Variants in PKIB observed in about 807,000 individuals in gnomAD.
PKIB encodes cAMP-dependent protein kinase inhibitor beta.
PKIB carries 2 observed loss-of-function variants against 4.5 expected under a neutral mutation model. The observed-to-expected ratio is 0.44, with a 90% CI of 0.18 to 1.39. PKIB has a LOEUF of 1.39. Among genes scored for constraint, PKIB ranks in the 40% most tolerant of loss-of-function variants. The pLI, the probability that PKIB is intolerant of heterozygous loss-of-function variation, is 0.27. For missense variants in PKIB, 94 were observed against 92.6 expected (o/e 1.02, Z -0.06); for synonymous variants, 38 against 36.0 (o/e 1.06, Z -0.20).
intron 1 of PKIB, among the ~76,000 whole-genome samples, chr6:122,631,694 A>G (rs1205180895): frequency 6.6e-6 from 1 of 152,216 alleles, no homozygotes; most frequent in Non-Finnish European, 1.5e-5. Flanking sequence ...AGGAAAGGAC[A>G]TGACTCCTCA....
chr6:122,563,940 T>C (rs1773106233), intron 2 of PKIB, among the ~76,000 whole-genome samples: 1 of 152,178 alleles, frequency 6.6e-6, no homozygotes, highest in South Asian at 2.1e-4. Flanking sequence ...ACACCAGATT[T>C]GCACACCTTC....
chr6:122,724,472 T>C (rs1436937283), intron 4 of PKIB, among the ~76,000 whole-genome samples: 1 of 152,182 alleles, frequency 6.6e-6, no homozygotes, highest in African/African-American at 2.4e-5. Flanking sequence ...TTTTTCATTA[T>C]TTTTGAACAA....
intron 1 of PKIB, among the ~76,000 whole-genome samples, chr6:122,616,923 T>A (rs1011605706): frequency 6.6e-6 from 1 of 152,182 alleles, no homozygotes; most frequent in African/African-American, 2.4e-5. Context: ...AAAGAGAGTA[T>A]CTATTCAAAG....
chr6:122,543,129 G>A (rs1405133742), intron 2 of PKIB, among the ~76,000 whole-genome samples: 1 of 152,046 alleles, frequency 6.6e-6, no homozygotes, highest in East Asian at 1.9e-4. Flanking sequence ...CCCTTTCTTT[G>A]ACTAGGAAAG....
intron 2 of PKIB, among the ~76,000 whole-genome samples, chr6:122,634,006 C>T (rs190260990): frequency 4.6e-5 from 7 of 151,108 alleles, no homozygotes; most frequent in Non-Finnish European, 5.9e-5. Context: ...TGTATATATT[C>T]ATACTTGCCT....
chr6:122,513,918 C>A (rs1041581276), intron 2 of PKIB, among the ~76,000 whole-genome samples: 1 of 152,174 alleles, frequency 6.6e-6, no homozygotes, highest in Non-Finnish European at 1.5e-5. Flanking sequence ...AGTGAGGGAA[C>A]TTCACTAAGA....
chr6:122,606,606 G>A (rs1435733891), upstream of PKIB, among the ~76,000 whole-genome samples: 3 of 149,192 alleles, frequency 2.0e-5, no homozygotes, highest in East Asian at 5.9e-4. Context: ...AGACAAAAGA[G>A]GGTTCTCCCC....
chr6:122,606,790 G>A (rs1774552987), upstream of PKIB, among the ~76,000 whole-genome samples: 1 of 151,964 alleles, frequency 6.6e-6, no homozygotes, highest in South Asian at 2.1e-4. Flanking sequence ...GTATGATGAT[G>A]GTAACTACTG....
chr6:122,491,537 T>G (rs775711312), intron 2 of PKIB, among the ~76,000 whole-genome samples: 1 of 152,100 alleles, frequency 6.6e-6, no homozygotes, highest in Non-Finnish European at 1.5e-5. Context: ...ACTGTAAAAA[T>G]TAGTCATTAA....
chr6:122,709,838 T>C (rs574785051), intron 3 of PKIB, among the ~76,000 whole-genome samples: 1 of 152,202 alleles, frequency 6.6e-6, no homozygotes, highest in Admixed American at 6.5e-5. Context: ...TAGATGAGGG[T>C]CGTACTGTAT....
chr6:122,615,791 G>A (rs1774957284), intron 1 of PKIB, among the ~76,000 whole-genome samples: 1 of 152,140 alleles, frequency 6.6e-6, no homozygotes, highest in South Asian at 2.1e-4. Flanking sequence ...TGTAAACCAA[G>A]GGATGCCAAG....
At chr6:122,572,889 C>A (rs577775618) in intron 2 of PKIB, among the ~76,000 whole-genome samples, 1 of 152,116 alleles carries the variant, frequency 6.6e-6, no homozygotes, top group Admixed American at 6.5e-5. Flanking sequence ...TGGATAACTT[C>A]CTGGAAACAT....
At chr6:122,537,234 G>A (rs1165674987) in intron 2 of PKIB, among the ~76,000 whole-genome samples, 1 of 151,968 alleles carries the variant, frequency 6.6e-6, no homozygotes, top group Admixed American at 6.6e-5. Context: ...TGTTACATAT[G>A]TATACATGTG....
At chr6:122,516,324 T>C (rs1161149594) in intron 2 of PKIB, among the ~76,000 whole-genome samples, 2 of 152,168 alleles carry the variant, frequency 1.3e-5, no homozygotes, top group East Asian at 3.9e-4. Flanking sequence ...GGGACTGGTT[T>C]TTGCTTTAAT....
intron 2 of PKIB, among the ~76,000 whole-genome samples, chr6:122,569,009 C>G (rs1773278198): frequency 6.6e-6 from 1 of 152,078 alleles, no homozygotes; most frequent in South Asian, 2.1e-4. Flanking sequence ...ATACTCTCCA[C>G]TCCCTTTGCA....
At chr6:122,687,644 T>G (rs749669499) in intron 3 of PKIB, among the ~76,000 whole-genome samples, 14 of 152,176 alleles carry the variant, frequency 9.2e-5, no homozygotes, top group Admixed American at 5.2e-4. Flanking sequence ...TTAATTTCTT[T>G]TGTCAGGGTT....
At chr6:122,703,675 A>T (rs544666226) in intron 3 of PKIB, among the ~76,000 whole-genome samples, 63 of 151,830 alleles carry the variant, frequency 4.1e-4, no homozygotes, top group South Asian at 1.0e-3. Flanking sequence ...TACACTTATG[A>T]TGCAATTCTC....
chr6:122,662,308 C>CTTTTTTTTTTTTTTTTTTTTTTTTTTT lies in PKIB; in HGVS notation c.-75-12767_-75-12741dup, dbSNP rs71021412. 1.4e-3 allele frequency among the ~76,000 whole-genome samples: 19 copies of CTTTTTTTTTTTTTTTTTTTTTTTTTTT among 13,264 alleles called. 6 individuals carry two copies. The highest frequency in any genetic ancestry group is 1.7e-3 in the Non-Finnish European group (11 of 6,650). The allele number at this position is 13,264 out of a possible 152,430, so 8.7% of individuals were successfully genotyped here. On this transcript the variant is annotated intron_variant, in intron 2 of 4. Transcript: ENST00000368452. ...CTCTCCTTCTTTCTTTCCTTGTCTC[C>CTTTTTTTTTTTTTTTTTTTTTTTTTTT]TTTTTTTTTTTTTTTTTTTTTTTTT...
intron 1 of PKIB, among the ~76,000 whole-genome samples, chr6:122,615,961 TA>T (rs1183475580): frequency 6.6e-6 from 1 of 152,178 alleles, no homozygotes; most frequent in Non-Finnish European, 1.5e-5. Context: ...CAGTTTGTGG[TA>T]ATTTGTTACA....
Sources: gnomAD v4.1 joint callset for allele counts (sites outside exome capture counted in the v4.1 genomes callset) on GRCh38, gnomAD v4.1.1 for gene constraint, MANE v1.5 for transcripts, NCBI Gene and HGNC (gene_info 2026-07-23, HGNC 2026-07-21) for gene names.